FSTL4: variants seen among roughly 807,000 people sequenced by gnomAD.
The protein encoded by FSTL4 is follistatin like 4.
A neutral mutation model predicts 78.2 loss-of-function variants in FSTL4; 28 were observed. The ratio of observed to expected loss-of-function variants is 0.36; its 90% confidence interval spans 0.27 to 0.49. The LOEUF is 0.49. Among genes scored for constraint, FSTL4 ranks in the 20% least tolerant of loss-of-function variants. The probability of loss-of-function intolerance (pLI) is 0.98; values close to 1 mark genes in which losing one functional copy is unlikely to be tolerated. For synonymous variants in FSTL4, 422 were observed against 440.5 expected (o/e 0.96, Z 0.53); for missense variants, 922 against 1,084.9 (o/e 0.85, Z 2.11).
At chr5:133,675,491 A>G in the FSTL4 span, among the ~76,000 whole-genome samples, 1 of 152,090 alleles carries the variant, frequency 6.6e-6, no homozygotes, top group Non-Finnish European at 1.5e-5. Context: ...CAAGCCACTC[A>G]CCACTCTGCC....
chr5:133,269,908 A>G (rs1422223031), intron 6 of FSTL4: 12 of 152,130 alleles, frequency 7.9e-5, no homozygotes, highest in Non-Finnish European at 2.9e-5. Context: ...GTTGCTGCCT[A>G]TCCAGTTCCG....
At chr5:133,541,043 A>G (rs73788136) in intron 3 of FSTL4, among the ~76,000 whole-genome samples, 2,346 of 152,242 alleles carry the variant, frequency 0.015, 61 homozygotes, top group African/African-American at 0.053. Flanking sequence ...CACCAAAACC[A>G]AAGTCAGGTG....
Position 133,198,582 on chromosome 5 carries a change from A to G in FSTL4, c.*513T>C, listed in dbSNP as rs573710557. 1.3e-5 allele frequency: 2 copies of G among 153,188 alleles called. No homozygotes were observed. Among genetic ancestry groups the G allele is most frequent in the African/African-American group, 4.8e-5 (2 of 41,598 alleles). The allele number at this position is 153,188 out of a possible 1,614,324, so 9.5% of individuals were successfully genotyped here. On this transcript the variant is annotated 3_prime_UTR_variant, in exon 16 of 16. Transcript: ENST00000265342. Reference sequence around the variant, plus strand: ...CTCCCTCAGGCTTACAGCAAGTCAAATGGAAAGAAAAGCAAGAAGCAGCTG... The same window carrying G: ...CTCCCTCAGGCTTACAGCAAGTCAAGTGGAAAGAAAAGCAAGAAGCAGCTG...
In FSTL4 at chr5:133,330,763, G is replaced by A. The variant is rs1466935625; in HGVS notation, c.410-14111C>T. ...TTTACAAAAGATTTGCTATAAAAAG[G>A]TGGCTTTAGGTCTGACAGGGGGTAA... is the stretch of plus-strand genomic sequence containing the variant. On this transcript the variant is annotated intron_variant, in intron 4 of 15. Coordinates refer to ENST00000265342, the MANE Select transcript of FSTL4 (RefSeq NM_015082.2). 2.6e-5 allele frequency among the ~76,000 whole-genome samples: 4 copies of A among 152,278 alleles called. No individual in the cohort carries two copies. The East Asian group carries it at 5.8e-4, about 22-fold the overall frequency.
At chr5:133,757,987 T>G in the FSTL4 span, among the ~76,000 whole-genome samples, 1 of 152,222 alleles carries the variant, frequency 6.6e-6, no homozygotes, top group Non-Finnish European at 1.5e-5. Context: ...ATATGTTGTA[T>G]GCACACACTC....
Position 133,296,497 on chromosome 5 carries a change from C to T in FSTL4, c.727+16157G>A, listed in dbSNP as rs527991079. On this transcript the variant is annotated intron_variant, in intron 6 of 15. Transcript: ENST00000265342. The stretch of plus-strand genomic sequence containing the variant: ...GTTAGCTTCCAGGGGCCCCCAGGAC[C>T]TTTGACCCTGCCCCCAGCTTCCCAT... 1.4e-4 allele frequency among the ~76,000 whole-genome samples: 21 copies of T among 152,268 alleles called. 1 individual carries two copies. Among genetic ancestry groups the T allele is most frequent in the Admixed American group, 8.5e-4 (13 of 15,288 alleles).
intron 7 of FSTL4, among the ~76,000 whole-genome samples, chr5:133,237,745 C>T (rs1055628528): frequency 6.6e-6 from 1 of 152,166 alleles, no homozygotes; most frequent in Non-Finnish European, 1.5e-5. Flanking sequence ...TAAGAAGCTA[C>T]ATAAAACTAA....
chr5:133,783,062 GT>G, the FSTL4 span, among the ~76,000 whole-genome samples: 1 of 152,158 alleles, frequency 6.6e-6, no homozygotes, highest in Admixed American at 6.5e-5. Flanking sequence ...ACGCTACAAA[GT>G]TTACATTTCG....
At chr5:133,484,745 C>T (rs1380769462) in intron 3 of FSTL4, among the ~76,000 whole-genome samples, 1 of 152,188 alleles carries the variant, frequency 6.6e-6, no homozygotes, top group Admixed American at 6.5e-5. Flanking sequence ...AGGGTCAGGA[C>T]ACTTGAAATG....
chr5:133,432,252 G>A (rs1024280811), intron 3 of FSTL4, among the ~76,000 whole-genome samples: 10 of 152,226 alleles, frequency 6.6e-5, no homozygotes, highest in Non-Finnish European at 1.3e-4. Flanking sequence ...GAATCCAGAT[G>A]TGACAAGTCC....
chr5:133,647,420 A>G, the FSTL4 span, among the ~76,000 whole-genome samples: 2 of 152,184 alleles, frequency 1.3e-5, no homozygotes, highest in African/African-American at 4.8e-5. Context: ...ACCTTCCTCA[A>G]CTACTATTCT....
chr5:133,769,291 G>C, the FSTL4 span, among the ~76,000 whole-genome samples: 1 of 152,286 alleles, frequency 6.6e-6, no homozygotes, highest in Admixed American at 6.5e-5. Flanking sequence ...CTGGAAATGT[G>C]CCCAATAGCA....
intron 3 of FSTL4, among the ~76,000 whole-genome samples, chr5:133,477,882 G>C (rs1027085836): frequency 6.6e-6 from 1 of 152,148 alleles, no homozygotes; most frequent in Non-Finnish European, 1.5e-5. Flanking sequence ...CTTAGGTACT[G>C]AGGCATACCT....
At chr5:133,681,218 G>T in the FSTL4 span, among the ~76,000 whole-genome samples, 3 of 152,328 alleles carry the variant, frequency 2.0e-5, no homozygotes. Context: ...GGCAGACCCC[G>T]GGCAGTCCTT....
chr5:133,493,142 C>G (rs1318392612), intron 3 of FSTL4, among the ~76,000 whole-genome samples: 3 of 151,818 alleles, frequency 2.0e-5, no homozygotes, highest in African/African-American at 7.3e-5. Flanking sequence ...TAAATAGTTA[C>G]TTTTACATTG....
At chr5:133,623,055 A>G in the FSTL4 span, among the ~76,000 whole-genome samples, 2 of 151,562 alleles carry the variant, frequency 1.3e-5, no homozygotes, top group African/African-American at 4.8e-5. Context: ...TTTTGAGGGA[A>G]TTTTTATACA....
At chr5:133,517,923 T>G (rs1208069399) in intron 3 of FSTL4, among the ~76,000 whole-genome samples, 7 of 152,178 alleles carry the variant, frequency 4.6e-5, no homozygotes, top group Non-Finnish European at 1.0e-4. Flanking sequence ...CTGGGTGAGG[T>G]CCACCCACAT....
rs573580044 is a variant in FSTL4, at chr5:133,577,824, T to C, written c.127-10605A>G. Among the ~76,000 whole-genome samples, 401 of 152,300 alleles carry C rather than the reference T, an allele frequency of 2.6e-3. 2 individuals carry two copies. The highest frequency in any genetic ancestry group is 9.3e-3 in the African/African-American group (386 of 41,572). ...GTGAGGCTGAGGTGGGAGGATCACC[T>C]GAGCCCAGGGAGGTAGAGGCTGCAA... On this transcript the variant is annotated intron_variant, in intron 2 of 15. Transcript: ENST00000265342.
chr5:133,233,839 G>A (rs1751576930), intron 7 of FSTL4, among the ~76,000 whole-genome samples: 1 of 152,104 alleles, frequency 6.6e-6, no homozygotes, highest in Non-Finnish European at 1.5e-5. Flanking sequence ...CAAGCAACTA[G>A]GCCCACGTGT....
Sources: gnomAD v4.1 joint callset for allele counts (sites outside exome capture counted in the v4.1 genomes callset) on GRCh38, gnomAD v4.1.1 for gene constraint, MANE v1.5 for transcripts, NCBI Gene and HGNC (gene_info 2026-07-23, HGNC 2026-07-21) for gene names.